MAMLD1: variants seen among roughly 807,000 people sequenced by gnomAD.
The protein encoded by MAMLD1 is mastermind-like domain-containing protein 1.
In MAMLD1, 14 loss-of-function variants were observed where a neutral mutation model predicts 45.0. That is an observed-to-expected ratio of 0.31 (90% confidence interval 0.21 to 0.49). The LOEUF (loss-of-function observed/expected upper bound fraction) is 0.49. Among genes scored for constraint, MAMLD1 ranks in the 20% least tolerant of loss-of-function variants. The probability of loss-of-function intolerance (pLI) is 0.99; values close to 1 mark genes in which losing one functional copy is unlikely to be tolerated. For missense variants in MAMLD1, 543 were observed against 603.6 expected (o/e 0.90, Z 1.05); for synonymous variants, 254 against 247.8 (o/e 1.02, Z -0.24).
chrX:150,440,999 A>G (rs924658356), intron 1 of MAMLD1, among the ~76,000 whole-genome samples: 1 of 104,986 alleles, frequency 9.5e-6, no homozygotes, highest in Non-Finnish European at 1.9e-5. Context: ...TATAATATTT[A>G]ATATAAATAT....
chrX:150,430,133 T>A (rs1162710890), intron 1 of MAMLD1, among the ~76,000 whole-genome samples: 1 of 99,384 alleles, frequency 1.0e-5, no homozygotes, highest in Non-Finnish European at 2.0e-5. Context: ...GCGATTCTCC[T>A]GCCTCATGAG....
chrX:150,461,361 C>T (rs2036032888), intron 2 of MAMLD1, among the ~76,000 whole-genome samples: 1 of 112,801 alleles, frequency 8.9e-6, no homozygotes, highest in African/African-American at 3.2e-5. Context: ...GGTATCTGGA[C>T]GCCACTGGCT....
At chrX:150,457,640 A>T (rs1930660) in intron 2 of MAMLD1, among the ~76,000 whole-genome samples, 11,483 of 112,065 alleles carry the variant, frequency 0.1, 513 homozygotes, top group Non-Finnish European at 0.13. Context: ...TTATTTGGCC[A>T]CAAAAGGAAC....
At chrX:150,413,118 T>C (rs782410557) in intron 1 of MAMLD1, among the ~76,000 whole-genome samples, 4 of 111,552 alleles carry the variant, frequency 3.6e-5, no homozygotes, top group African/African-American at 6.5e-5. Context: ...TTGGACATTT[T>C]TGGGGTGTTC....
chrX:150,422,278 T>C (rs2034544304), intron 1 of MAMLD1, among the ~76,000 whole-genome samples: 1 of 112,506 alleles, frequency 8.9e-6, no homozygotes, highest in Admixed American at 9.3e-5. Flanking sequence ...TTAAGTCCGG[T>C]CTGCTGGGCT....
At chrX:150,486,620 A>G (rs184491634) in intron 5 of MAMLD1, among the ~76,000 whole-genome samples, 6 of 111,381 alleles carry the variant, frequency 5.4e-5, no homozygotes, top group Non-Finnish European at 1.1e-4. Context: ...ACACCTCCCA[A>G]AATGCCCACA....
At position 150,445,678 on chromosome X, in the gene MAMLD1, A is replaced by T. The variant is rs1177837949; in HGVS notation, c.96+66A>T. On this transcript the variant is annotated intron_variant, in intron 2 of 7. Transcript: ENST00000370401. ...TTCTAATCTTAAACTTGAACGTAAG[A>T]TGTGTTATTGAAATTTTCTGTGCAA... 1.2e-5 allele frequency: 10 copies of T among 859,122 alleles called. No individual in the cohort carries two copies. The African/African-American group carries it at 2.0e-4, about 17-fold the overall frequency. The allele number at this position is 859,122 out of a possible 1,213,427, so 70.8% of individuals were successfully genotyped here.
chrX:150,381,870 A>T (rs1311849447), intron 1 of MAMLD1, among the ~76,000 whole-genome samples: 1 of 110,533 alleles, frequency 9.0e-6, no homozygotes, highest in East Asian at 2.8e-4. Context: ...GATTATTTGC[A>T]TTTTTTCTCT....
intron 6 of MAMLD1, among the ~76,000 whole-genome samples, chrX:150,509,166 C>A (rs1009949236): frequency 8.0e-5 from 9 of 111,907 alleles, no homozygotes; most frequent in Admixed American, 7.6e-4. Context: ...CTCCCAATTG[C>A]CTATGCTGCA....
At chrX:150,441,604 GTC>G (rs1569564792) in intron 1 of MAMLD1, among the ~76,000 whole-genome samples, 1 of 110,966 alleles carries the variant, frequency 9.0e-6, no homozygotes, top group African/African-American at 3.3e-5. Context: ...TTTTCAAGTT[GTC>G]TCTCTGTTAT....
chrX:150,460,467 G>A (rs2036000858), intron 2 of MAMLD1, among the ~76,000 whole-genome samples: 2 of 112,135 alleles, frequency 1.8e-5, no homozygotes, highest in Non-Finnish European at 1.9e-5. Flanking sequence ...GAGCCCCTTG[G>A]GTTTGTATAG....
intron 1 of MAMLD1, among the ~76,000 whole-genome samples, chrX:150,415,323 C>G (rs1386307099): frequency 3.6e-5 from 4 of 112,661 alleles, no homozygotes; most frequent in African/African-American, 1.3e-4. Context: ...AAATGAATTC[C>G]ATAAACCGCC....
intron 1 of MAMLD1, among the ~76,000 whole-genome samples, chrX:150,430,019 CT>C (rs1174092962): frequency 3.0e-3 from 149 of 49,213 alleles, no homozygotes; most frequent in African/African-American, 0.012. Context: ...TCTTTCTTTT[CT>C]TTTTTTTTTT....
intron 5 of MAMLD1, 107 bp from the exon 6 acceptor site, chrX:150,503,167 A>G: frequency 2.8e-6 from 2 of 707,581 alleles, no homozygotes; most frequent in Non-Finnish European, 4.6e-6. Flanking sequence ...TGGTGGGTAT[A>G]ACCACAACAC....
intron 6 of MAMLD1, chrX:150,504,130 T>A (rs945574239): frequency 9.3e-6 from 7 of 753,264 alleles, no homozygotes; most frequent in Non-Finnish European, 1.1e-5. Context: ...AAGAGGCCTG[T>A]GAGTTGGGAT....
chrX:150,410,936 G>C (rs149763435), intron 1 of MAMLD1, among the ~76,000 whole-genome samples: 10 of 110,092 alleles, frequency 9.1e-5, no homozygotes, highest in African/African-American at 3.4e-4. Flanking sequence ...CTTTGGATGC[G>C]GCCCAACACA....
intron 1 of MAMLD1, among the ~76,000 whole-genome samples, chrX:150,399,314 T>C (rs1394232264): frequency 8.9e-6 from 1 of 111,929 alleles, no homozygotes; most frequent in East Asian, 2.8e-4. Context: ...GTGTCACTCA[T>C]ACAGAGATGC....
chrX:150,505,084 C>G lies in MAMLD1; in HGVS notation c.2284+1567C>G, dbSNP rs1010608016. 4.0e-6 allele frequency: 3 copies of G among 752,172 alleles called. No individual in the cohort carries two copies. In the East Asian group the frequency reaches 4.5e-4, roughly 114 times the overall value. The allele number at this position is 752,172 out of a possible 1,213,427, so 62.0% of individuals were successfully genotyped here. Reference sequence around the variant, plus strand: ...AGCAGTCATAGATCATGTGGGAAGACAGAAAACAAAGGGTAAAAAGAATTT... The same window carrying G: ...AGCAGTCATAGATCATGTGGGAAGAGAGAAAACAAAGGGTAAAAAGAATTT... On this transcript the variant is annotated intron_variant, in intron 6 of 7. Transcript: ENST00000370401.
At chrX:150,386,078 A>G (rs1021952000) in intron 1 of MAMLD1, among the ~76,000 whole-genome samples, 2 of 101,748 alleles carry the variant, frequency 2.0e-5, no homozygotes, top group Non-Finnish European at 2.0e-5. Flanking sequence ...TCCAAGATCC[A>G]TATCTTGAAA....
Sources: gnomAD v4.1 joint callset for allele counts (sites outside exome capture counted in the v4.1 genomes callset) on GRCh38, gnomAD v4.1.1 for gene constraint, MANE v1.5 for transcripts, NCBI Gene and HGNC (gene_info 2026-07-23, HGNC 2026-07-21) for gene names.